The following CACNA2D4 variants were observed in gnomAD, a reference collection of about 807,000 sequenced individuals.
CACNA2D4 encodes the protein voltage-dependent calcium channel subunit alpha-2/delta-4.
In CACNA2D4, 157 loss-of-function variants were observed where a neutral mutation model predicts 163.8. The observed-to-expected ratio is 0.96, with a 90% CI of 0.84 to 1.09. The LOEUF (loss-of-function observed/expected upper bound fraction) is 1.09, where lower values mean the gene tolerates loss of function less well. CACNA2D4 is among the 50% of genes least tolerant of loss of function. The probability of loss-of-function intolerance (pLI) is 0.00; values close to 1 mark genes in which losing one functional copy is unlikely to be tolerated. For synonymous variants in CACNA2D4, 598 were observed against 586.9 expected (o/e 1.02, Z -0.27); for missense variants, 1,410 against 1,479.9 (o/e 0.95, Z 0.78).
In CACNA2D4 at chr12:1,878,232, T is replaced by C; in HGVS notation, c.1719+83A>G. The stretch of plus-strand genomic sequence containing the variant: ...GGGTTCCTAAATGGAGCCCAATGTG[T>C]GTTTGTTGTTTTAATCGTTTTTGTG... On this transcript the variant is annotated intron_variant, in intron 16 of 37. Coordinates refer to ENST00000382722, the MANE Select transcript of CACNA2D4 (RefSeq NM_172364.5). The surrounding 1 kb of genome is among the most constrained non-coding windows in gnomAD (Gnocchi z 4.6). The C allele has an allele frequency of 9.0e-6, 13 of 1,450,102 alleles. No individual in the cohort carries two copies. In the South Asian group the frequency reaches 1.3e-4, roughly 15 times the overall value. The allele number at this position is 1,450,102 out of a possible 1,614,324, so 89.8% of individuals were successfully genotyped here.
intron 18 of CACNA2D4, among the ~76,000 whole-genome samples, chr12:1,865,756 A>AGGCGGTTGCGGGGCGCTGGCC (rs1865639338): frequency 6.6e-6 from 1 of 152,152 alleles, no homozygotes; most frequent in African/African-American, 2.4e-5. Context: ...GGGCGCGGGG[A>AGGCGGTTGCGGGGCGCTGGCC]GGCGGTTGCG....
Position 1,834,667 on chromosome 12 carries a change from G to A in CACNA2D4, c.2551+6072C>T. On this transcript the variant is annotated intron_variant, in intron 26 of 37. Coordinates refer to ENST00000382722, the MANE Select transcript of CACNA2D4 (RefSeq NM_172364.5). The surrounding 1 kb of genome is among the most constrained non-coding windows in gnomAD (Gnocchi z 7.6). ...AGCTCAAAAAGCGCCAGCCCCTGAT[G>A]GGGGACCCCGAGGGCGAGCACGAGG... 6.2e-7 allele frequency: 1 copy of A among 1,601,690 alleles called. No individual in the cohort carries two copies. The highest frequency in any genetic ancestry group is 8.5e-7 in the Non-Finnish European group (1 of 1,179,690).
chr12:1,877,121 A>T (rs1033502051), intron 16 of CACNA2D4, among the ~76,000 whole-genome samples: 1 of 152,168 alleles, frequency 6.6e-6, no homozygotes, highest in Non-Finnish European at 1.5e-5. Context: ...GTGTAAGTCT[A>T]GTTTTCCTAA....
rs749532830 is a variant in CACNA2D4, at chr12:1,909,959, C to G, written c.433G>C (p.Val145Leu). 1.9e-6 allele frequency: 3 copies of G among 1,613,518 alleles called. No homozygotes were observed. Among genetic ancestry groups the G allele is most frequent in the South Asian group, 1.1e-5 (1 of 91,022 alleles). The change falls in exon 4 of 38, where the codon GTG becomes CTG. Residue 145 changes from valine to leucine, a missense_variant. Val to Leu is a conservative substitution (Grantham distance 32). Coordinates refer to ENST00000382722, the MANE Select transcript of CACNA2D4 (RefSeq NM_172364.5). ...RRKVEAVQNL[V>L]EAAEEADLNH... Reference sequence around the variant, plus strand: ...AGGTCGGCCTCCTCGGCAGCTTCCACCAGATTCTGAGGGATGGGAACACAG... The same window carrying G: ...AGGTCGGCCTCCTCGGCAGCTTCCAGCAGATTCTGAGGGATGGGAACACAG...
At position 1,798,905 on chromosome 12, in the gene CACNA2D4, A is replaced by G. The variant is rs951461271; in HGVS notation, c.2995+770T>C. On this transcript the variant is annotated intron_variant, in intron 34 of 37. Coordinates refer to ENST00000382722, the MANE Select transcript of CACNA2D4 (RefSeq NM_172364.5). This position sits in a 1 kb window ranked among gnomAD's most constrained non-coding sequence, Gnocchi z 4.3. ...GAAGGAGTCTGGAGACACAGCCCGA[A>G]CTGCCCTGAGCCCAGGGGCAGAGGA... 1.1e-4 allele frequency among the ~76,000 whole-genome samples: 16 copies of G among 152,160 alleles called. 1 individual carries two copies. The highest frequency in any genetic ancestry group is 4.6e-4 in the Admixed American group (7 of 15,272).
In CACNA2D4 at chr12:1,802,029, GTGTGTGTGTGTGTGTGTGTGTGT is replaced by G. The variant is rs1393132615; in HGVS notation, c.2722-408_2722-386del. Among the ~76,000 whole-genome samples, 1 of 126,328 alleles carries G rather than the reference GTGTGTGTGTGTGTGTGTGTGTGT, an allele frequency of 7.9e-6. No homozygotes were observed. Among genetic ancestry groups the G allele is most frequent in the African/African-American group, 2.7e-5 (1 of 37,032 alleles). 82.9% of individuals were successfully genotyped at this position (126,328 alleles called of 152,430 possible). A position where few individuals can be genotyped will look rare whatever the true frequency, so the allele number is the denominator to read the frequency against. On this transcript the variant is annotated intron_variant, in intron 29 of 37. Transcript: ENST00000382722. The surrounding 1 kb of genome is among the most constrained non-coding windows in gnomAD (Gnocchi z 4.7). ...TGTTTTATATGCTGTGTGTGTGTGT[GTGTGTGTGTGTGTGTGTGTGTGT>G]GTGTGTGTTGGGTCAGATATAAAAC... is the stretch of plus-strand genomic sequence containing the variant.
At chr12:1,879,574 C>G (rs1400317621) in intron 14 of CACNA2D4, among the ~76,000 whole-genome samples, 2 of 152,202 alleles carry the variant, frequency 1.3e-5, no homozygotes, top group African/African-American at 4.8e-5. Flanking sequence ...TGAAGCTACT[C>G]CCAGCCAGCC....
chr12:1,834,791 A>C lies in CACNA2D4; in HGVS notation c.2551+5948T>G. 6.7e-7 allele frequency: 1 copy of C among 1,497,708 alleles called. No homozygotes were observed. Among genetic ancestry groups the C allele is most frequent in the Non-Finnish European group, 8.9e-7 (1 of 1,127,846 alleles). 92.8% of individuals were successfully genotyped at this position (1,497,708 alleles called of 1,614,324 possible). On this transcript the variant is annotated intron_variant, in intron 26 of 37. Coordinates refer to ENST00000382722, the MANE Select transcript of CACNA2D4 (RefSeq NM_172364.5). This position sits in a 1 kb window ranked among gnomAD's most constrained non-coding sequence, Gnocchi z 7.6. ...ACGGCATTGCTCAGCCACAGCTCCCACCTTGACCCGGCGCTGGCCACTGCC... is the reference window on the plus strand; with the variant it reads ...ACGGCATTGCTCAGCCACAGCTCCCCCCTTGACCCGGCGCTGGCCACTGCC...
rs1280755732 is a variant in CACNA2D4, at chr12:1,856,001, C to G, written c.2152+11G>C. ...AGGAAAAGCTTGCCTCAGTGGGCGG[C>G]CAGCACTCACACTCCAGGTCTGGGT... is the stretch of plus-strand genomic sequence containing the variant. On this transcript the variant is annotated intron_variant, in intron 22 of 37. Coordinates refer to ENST00000382722, the MANE Select transcript of CACNA2D4 (RefSeq NM_172364.5). 6.2e-7 allele frequency: 1 copy of G among 1,608,710 alleles called. No individual in the cohort carries two copies. The highest frequency in any genetic ancestry group is 8.5e-7 in the Non-Finnish European group (1 of 1,175,282).
intron 25 of CACNA2D4, among the ~76,000 whole-genome samples, chr12:1,841,102 C>T (rs962116461): frequency 1.3e-5 from 2 of 152,326 alleles, no homozygotes; most frequent in Non-Finnish European, 2.9e-5. Context: ...TTGTCGGCTG[C>T]GGCATGCATT....
At position 1,834,446 on chromosome 12, in the gene CACNA2D4, AAGCCCGGGGCTGAGCCGGAGCCGG is replaced by A; in HGVS notation, c.2551+6269_2551+6292del. 6.2e-7 allele frequency: 1 copy of A among 1,612,340 alleles called. No homozygotes were observed. Among genetic ancestry groups the A allele is most frequent in the Non-Finnish European group, 8.5e-7 (1 of 1,179,898 alleles). On this transcript the variant is annotated intron_variant, in intron 26 of 37. Transcript: ENST00000382722. This position sits in a 1 kb window ranked among gnomAD's most constrained non-coding sequence, Gnocchi z 7.6. ...GGCCAGTCCAGAGCCTGCTAAGCCC[AAGCCCGGGGCTGAGCCGGAGCCGG>A]AGCCCAGCACAGCCTGCCCACAGAA...
chr12:1,878,841 A>C lies in CACNA2D4; in HGVS notation c.1644+115T>G. On this transcript the variant is annotated intron_variant, in intron 15 of 37. Coordinates refer to ENST00000382722, the MANE Select transcript of CACNA2D4 (RefSeq NM_172364.5). The surrounding 1 kb of genome is among the most constrained non-coding windows in gnomAD (Gnocchi z 4.6). Reference sequence around the variant, plus strand: ...ACCTGCACTTCTTGGGCAGTGATGGAGGGGCCCCACCCCAGCTCTGGGCTT... The same window carrying C: ...ACCTGCACTTCTTGGGCAGTGATGGCGGGGCCCCACCCCAGCTCTGGGCTT... The C allele has an allele frequency of 1.1e-6, 1 of 913,782 alleles. No individual in the cohort carries two copies. The highest frequency in any genetic ancestry group is 1.7e-6 in the Non-Finnish European group (1 of 600,966). The allele number at this position is 913,782 out of a possible 1,614,324, so 56.6% of individuals were successfully genotyped here. A position where few individuals can be genotyped will look rare whatever the true frequency, so the allele number is the denominator to read the frequency against.
At chr12:1,886,457 T>G in intron 7 of CACNA2D4, 84 bp from the exon 8 acceptor site, 2 of 1,276,004 alleles carry the variant, frequency 1.6e-6, no homozygotes, top group Non-Finnish European at 2.2e-6. Flanking sequence ...GTTATTTCTG[T>G]TCAGATGCTG....
chr12:1,808,507 G>A (rs1260012212), intron 29 of CACNA2D4, among the ~76,000 whole-genome samples: 4 of 152,336 alleles, frequency 2.6e-5, no homozygotes, highest in African/African-American at 9.6e-5. Context: ...ACAACAGCAG[G>A]GCTGAGTCTC....
At chr12:1,824,190 G>A (rs909298113) in intron 26 of CACNA2D4, among the ~76,000 whole-genome samples, 3 of 152,184 alleles carry the variant, frequency 2.0e-5, no homozygotes, top group Admixed American at 2.0e-4. Flanking sequence ...TGGTCTCCTC[G>A]GTGGCCGTTT....
At chr12:1,860,763 C>T (rs531986791) in intron 18 of CACNA2D4, among the ~76,000 whole-genome samples, 8 of 152,298 alleles carry the variant, frequency 5.3e-5, no homozygotes, top group East Asian at 3.9e-4. Context: ...GCCCGGGCCA[C>T]GGGACCCTTT....
rs1863560478 is a variant in CACNA2D4, at chr12:1,806,989, A to G, written c.2721+3289T>C. Reference sequence around the variant, plus strand: ...TGGGAGTTGGTGGTGGGCAGACTCTAAAGTGGTTCACAATGATCCCGGCCT... The same window carrying G: ...TGGGAGTTGGTGGTGGGCAGACTCTGAAGTGGTTCACAATGATCCCGGCCT... On this transcript the variant is annotated intron_variant, in intron 29 of 37. Transcript: ENST00000382722. The surrounding 1 kb of genome is among the most constrained non-coding windows in gnomAD (Gnocchi z 4.1). Among the ~76,000 whole-genome samples, 1 of 151,996 alleles carries G rather than the reference A, an allele frequency of 6.6e-6. No homozygotes were observed. The highest frequency in any genetic ancestry group is 1.5e-5 in the Non-Finnish European group (1 of 68,002).
At position 1,844,804 on chromosome 12, in the gene CACNA2D4, C is replaced by A. The variant is rs1565706985; in HGVS notation, c.2343-275G>T. 6.6e-6 allele frequency among the ~76,000 whole-genome samples: 1 copy of A among 152,150 alleles called. No homozygotes were observed. Among genetic ancestry groups the A allele is most frequent in the African/African-American group, 2.4e-5 (1 of 41,430 alleles). ...GTAAACTCTTTTGCCTGCAGGGATTCTTTCTTTTGGATAGAGCCCAATTTC... is the reference window on the plus strand; with the variant it reads ...GTAAACTCTTTTGCCTGCAGGGATTATTTCTTTTGGATAGAGCCCAATTTC... On this transcript the variant is annotated intron_variant, in intron 24 of 37. Coordinates refer to ENST00000382722, the MANE Select transcript of CACNA2D4 (RefSeq NM_172364.5). This position sits in a 1 kb window ranked among gnomAD's most constrained non-coding sequence, Gnocchi z 4.2.
At chr12:1,864,474 G>C (rs750158988) in intron 18 of CACNA2D4, among the ~76,000 whole-genome samples, 1 of 152,248 alleles carries the variant, frequency 6.6e-6, no homozygotes, top group Non-Finnish European at 1.5e-5. Context: ...CCCATTTGAT[G>C]AAGCACATTT....
Sources: gnomAD v4.1 joint callset for allele counts (sites outside exome capture counted in the v4.1 genomes callset) on GRCh38, gnomAD v4.1.1 for gene constraint, Gnocchi (gnomAD v3.1) non-coding constraint, MANE v1.5 for transcripts, NCBI Gene and HGNC (gene_info 2026-07-23, HGNC 2026-07-21) for gene names.